Variants in NRXN3 observed in about 807,000 individuals in gnomAD.
NRXN3 encodes neurexin 3, also known as neurexin III.
NRXN3 carries 32 observed loss-of-function variants against 137.6 expected under a neutral mutation model. The ratio of observed to expected loss-of-function variants is 0.23; its 90% CI spans 0.18 to 0.31. The LOEUF (loss-of-function observed/expected upper bound fraction) is 0.31, where lower values mean the gene tolerates loss of function less well. NRXN3 is among the 10% of genes least tolerant of loss of function. NRXN3 has a pLI of 1.00. For synonymous variants in NRXN3, 798 were observed against 784.5 expected (o/e 1.02, Z -0.29); for missense variants, 1,574 against 2,062.5 (o/e 0.76, Z 4.59).
At chr14:78,293,874 T>TA (rs145293197) in intron 3 of NRXN3, among the ~76,000 whole-genome samples, 28,534 of 152,230 alleles carry the variant, frequency 0.19, 3,363 homozygotes, top group Non-Finnish European at 0.25. Flanking sequence ...AGCATGCTGT[T>TA]ACGTCTCAAC....
At chr14:78,363,566 T>A (rs2085455248) in intron 4 of NRXN3, among the ~76,000 whole-genome samples, 1 of 152,206 alleles carries the variant, frequency 6.6e-6, no homozygotes, top group Non-Finnish European at 1.5e-5. Flanking sequence ...AGTTAGTCAA[T>A]GTCAGAACCT....
intron 4 of NRXN3, among the ~76,000 whole-genome samples, chr14:78,358,814 T>C (rs1357896260): frequency 1.3e-5 from 2 of 152,158 alleles, no homozygotes; most frequent in African/African-American, 4.8e-5. Flanking sequence ...GGACCTTGTG[T>C]CATGCATTAT....
Position 78,968,175 on chromosome 14 carries a change from G to C in NRXN3, c.2971G>C (p.Asp991His). Residue 991 changes from aspartate (D) to histidine (H), a missense_variant and splice_region_variant, in exon 14 of 21, where the codon GAT becomes CAT. By Grantham distance (81) the Asp-to-His change is moderately conservative. This residue lies in a region of NRXN3 where 718 missense variants were observed against 887.6 expected (regional missense o/e 0.81). Transcript: ENST00000335750. The part of the protein sequence containing the change: ...NGAKNLDLKG[D>H]LYMAGLAQGM... Reference sequence around the variant, plus strand: ...TTGCTAATTACTTTCCTTTCCAGGTGATCTCTATATGGCTGGTCTGGCCCA... The same window carrying C: ...TTGCTAATTACTTTCCTTTCCAGGTCATCTCTATATGGCTGGTCTGGCCCA... The C allele has an allele frequency of 1.3e-6, 2 of 1,594,124 alleles. No individual in the cohort carries two copies. Among genetic ancestry groups the C allele is most frequent in the East Asian group, 4.5e-5 (2 of 44,212 alleles).
intron 1 of NRXN3, among the ~76,000 whole-genome samples, chr14:78,174,426 T>C (rs934091825): frequency 5.9e-5 from 9 of 152,072 alleles, no homozygotes; most frequent in African/African-American, 2.2e-4. Context: ...GATGGAACAA[T>C]GTCTTTGTCC....
chr14:79,209,061 C>G (rs2067237208), intron 15 of NRXN3, among the ~76,000 whole-genome samples: 1 of 152,102 alleles, frequency 6.6e-6, no homozygotes, highest in Non-Finnish European at 1.5e-5. Flanking sequence ...GCCTCAGCCT[C>G]CCGAGTAGCT....
chr14:78,253,318 G>A (rs896061171), intron 2 of NRXN3, among the ~76,000 whole-genome samples: 3 of 152,146 alleles, frequency 2.0e-5, no homozygotes, highest in Non-Finnish European at 4.4e-5. Flanking sequence ...TTATTATAAT[G>A]TATTACTTTC....
At chr14:79,725,090 G>A (rs1268166415) in intron 19 of NRXN3, among the ~76,000 whole-genome samples, 4 of 152,106 alleles carry the variant, frequency 2.6e-5, no homozygotes, top group African/African-American at 9.7e-5. Context: ...CAAGTGCCAG[G>A]TGCAGAAGTT....
chr14:78,618,141 C>G (rs999515414), intron 4 of NRXN3, among the ~76,000 whole-genome samples: 1 of 151,892 alleles, frequency 6.6e-6, no homozygotes, highest in Non-Finnish European at 1.5e-5. Flanking sequence ...TTAACTAGTC[C>G]CTTGTTCAGG....
At chr14:78,459,404 G>T (rs1255875512) in intron 4 of NRXN3, among the ~76,000 whole-genome samples, 1 of 152,172 alleles carries the variant, frequency 6.6e-6, no homozygotes, top group Admixed American at 6.5e-5. Flanking sequence ...AGAGATGTTG[G>T]TTGAATGCAA....
chr14:78,677,526 G>A (rs927991778), intron 6 of NRXN3, among the ~76,000 whole-genome samples: 1 of 152,164 alleles, frequency 6.6e-6, no homozygotes, highest in Middle Eastern at 3.4e-3. Context: ...TTATGGATTT[G>A]CAATAAAAGA....
At chr14:79,404,477 G>A (rs1337682012) in intron 15 of NRXN3, among the ~76,000 whole-genome samples, 3 of 152,012 alleles carry the variant, frequency 2.0e-5, no homozygotes, top group East Asian at 3.9e-4. Context: ...TTCCACACTC[G>A]AGAAAACCCC....
intron 15 of NRXN3, among the ~76,000 whole-genome samples, chr14:79,109,382 G>A (rs1480298158): frequency 6.6e-6 from 1 of 152,054 alleles, no homozygotes; most frequent in Non-Finnish European, 1.5e-5. Flanking sequence ...GTATTCTGTA[G>A]ACAAATATTT....
intron 16 of NRXN3, among the ~76,000 whole-genome samples, chr14:79,548,243 G>A (rs959073938): frequency 4.6e-5 from 7 of 151,910 alleles, no homozygotes; most frequent in African/African-American, 9.7e-5. Context: ...TTGTGTCCAC[G>A]TATTCTCGTT....
intron 15 of NRXN3, among the ~76,000 whole-genome samples, chr14:79,362,093 G>A (rs1464268250): frequency 6.7e-6 from 1 of 149,274 alleles, no homozygotes; most frequent in Non-Finnish European, 1.5e-5. Flanking sequence ...CCGAGTAGCT[G>A]GGATTACAGG....
intron 15 of NRXN3, among the ~76,000 whole-genome samples, chr14:79,143,710 T>C (rs2153004850): frequency 6.6e-6 from 1 of 152,334 alleles, no homozygotes; most frequent in African/African-American, 2.4e-5. Flanking sequence ...AGAGGGAAAT[T>C]ACCTTCCATT....
At chr14:78,319,891 T>C (rs2079129401) in intron 4 of NRXN3, among the ~76,000 whole-genome samples, 1 of 152,218 alleles carries the variant, frequency 6.6e-6, no homozygotes, top group East Asian at 1.9e-4. Flanking sequence ...ATAATCTGAC[T>C]GTCTAACAAA....
intron 15 of NRXN3, among the ~76,000 whole-genome samples, chr14:79,115,239 C>T (rs1397926525): frequency 1.3e-5 from 2 of 150,712 alleles, no homozygotes; most frequent in Non-Finnish European, 1.5e-5. Context: ...GCAGGAGAAT[C>T]GCTTGAACCT....
intron 15 of NRXN3, among the ~76,000 whole-genome samples, chr14:79,256,728 T>TCA (rs2153389404): frequency 6.6e-6 from 1 of 152,338 alleles, no homozygotes; most frequent in South Asian, 2.1e-4. Flanking sequence ...TTCTCTCGGG[T>TCA]CACAATTGAA....
At position 78,314,985 on chromosome 14, in the gene NRXN3, TCCTTTC is replaced by T. The variant is rs1442209026; in HGVS notation, c.757+17126_757+17131del. Reference sequence around the variant, plus strand: ...TTCCTTCCTTCCTTCCTTCCTTCCTTCCTTTCTCTTTCTTTCTTTCTTTCTTTTCTT... The same window carrying T: ...TTCCTTCCTTCCTTCCTTCCTTCCTTTCTTTCTTTCTTTCTTTCTTTTCTT... On this transcript the variant is annotated intron_variant, in intron 4 of 20. Coordinates refer to ENST00000335750, the MANE Select transcript of NRXN3 (RefSeq NM_001330195.2). 2.7e-3 allele frequency among the ~76,000 whole-genome samples: 236 copies of T among 88,164 alleles called. 1 individual carries two copies. The highest frequency in any genetic ancestry group is 0.014 in the African/African-American group (234 of 16,472). The allele number at this position is 88,164 out of a possible 152,430, so 57.8% of individuals were successfully genotyped here.
Sources: gnomAD v4.1 joint callset for allele counts (sites outside exome capture counted in the v4.1 genomes callset) on GRCh38, gnomAD v4.1.1 for gene constraint, gnomAD v4.1.1 regional missense constraint, MANE v1.5 for transcripts, NCBI Gene and HGNC (gene_info 2026-07-23, HGNC 2026-07-21) for gene names.